AGAP1: variants seen among roughly 807,000 people sequenced by gnomAD.
AGAP1 encodes ArfGAP with GTPase domain, ankyrin repeat and PH domain 1.
AGAP1 carries 29 observed loss-of-function variants against 105.3 expected under a neutral mutation model. The ratio of observed to expected loss-of-function variants is 0.28; its 90% CI spans 0.21 to 0.38. The LOEUF (loss-of-function observed/expected upper bound fraction) is 0.38, where lower values mean the gene tolerates loss of function less well. Among genes scored for constraint, AGAP1 ranks in the 10% least tolerant of loss-of-function variants. AGAP1 has a pLI of 1.00. For missense variants in AGAP1, 998 were observed against 1,165.1 expected, an observed-to-expected ratio of 0.86 and a Z score of 2.09; for synonymous variants, 509 against 485.9, an observed-to-expected ratio of 1.05 and a Z score of -0.63.
At chr2:235,682,100 C>G (rs967435310) in intron 1 of AGAP1, among the ~76,000 whole-genome samples, 2 of 152,080 alleles carry the variant, frequency 1.3e-5, no homozygotes, top group Non-Finnish European at 2.9e-5. Flanking sequence ...ATCCACGCAT[C>G]TTGGCCTCCC....
intron 1 of AGAP1, among the ~76,000 whole-genome samples, chr2:235,640,981 A>G (rs1947170929): frequency 6.6e-6 from 1 of 152,216 alleles, no homozygotes; most frequent in African/African-American, 2.4e-5. Context: ...TAGTTGTCTG[A>G]TAACAATGTC....
chr2:235,507,432 G>A (rs1486536518), intron 1 of AGAP1: 1 of 152,340 alleles, frequency 6.6e-6, no homozygotes, highest in African/African-American at 2.4e-5. Flanking sequence ...GTTTTGCCTT[G>A]TAAGTGACAC....
At position 235,725,659 on chromosome 2, in the gene AGAP1, T is replaced by C. The variant is rs1575236515; in HGVS notation, c.310+8015T>C. On this transcript the variant is annotated intron_variant, in intron 3 of 17. Transcript: ENST00000304032. The surrounding 1 kb of genome is among the most constrained non-coding windows in gnomAD (Gnocchi z 5.7). ...TTTTAATGAGAATTATCTGTAAACG[T>C]TGAGATGATGAGCCTGCTGCTATGT... Among the ~76,000 whole-genome samples the C allele has an allele frequency of 1.3e-5, 2 of 152,156 alleles. No homozygotes were observed. The highest frequency in any genetic ancestry group is 6.5e-5 in the Admixed American group (1 of 15,278).
chr2:235,566,504 A>G lies in AGAP1; in HGVS notation c.163+71655A>G. ...TATTTCCAGATAAGCATTCATAAAC[A>G]GTGAAAAGCACAAATCATCAGTGCG... On this transcript the variant is annotated intron_variant, in intron 1 of 17. Transcript: ENST00000304032. This position sits in a 1 kb window ranked among gnomAD's most constrained non-coding sequence, Gnocchi z 5.2. 3.5e-6 allele frequency: 3 copies of G among 856,172 alleles called. No homozygotes were observed. The highest frequency in any genetic ancestry group is 4.2e-6 in the Non-Finnish European group (3 of 712,116). The allele number at this position is 856,172 out of a possible 1,614,324, so 53.0% of individuals were successfully genotyped here.
At position 235,747,191 on chromosome 2, in the gene AGAP1, G is replaced by A. The variant is rs772532267; in HGVS notation, c.538+2352G>A. On this transcript the variant is annotated intron_variant, in intron 5 of 17. Coordinates refer to ENST00000304032, the MANE Select transcript of AGAP1 (RefSeq NM_001037131.3). The surrounding 1 kb of genome is among the most constrained non-coding windows in gnomAD (Gnocchi z 5.0). ...CACTGTCCCTGCCCCTGGAGGCAGC[G>A]TATCCCTCTGAGTCTCCTGCCTGAG... 1.3e-5 allele frequency among the ~76,000 whole-genome samples: 2 copies of A among 152,088 alleles called. No individual in the cohort carries two copies. The highest frequency in any genetic ancestry group is 2.1e-4 in the South Asian group (1 of 4,828).
chr2:235,583,090 G>A (rs1418633978), intron 1 of AGAP1, among the ~76,000 whole-genome samples: 2 of 152,198 alleles, frequency 1.3e-5, no homozygotes, highest in Non-Finnish European at 2.9e-5. Flanking sequence ...AAAGGGAAAA[G>A]CCAGAAGCCA....
chr2:235,935,896 G>A (rs757532541), intron 12 of AGAP1, among the ~76,000 whole-genome samples: 10 of 152,282 alleles, frequency 6.6e-5, no homozygotes, highest in Admixed American at 1.3e-4. Flanking sequence ...CAAGATGCAC[G>A]TTGAGATGCG....
At position 235,873,649 on chromosome 2, in the gene AGAP1, G is replaced by A. The variant is rs146647242; in HGVS notation, c.1051-9696G>A. 3.4e-3 allele frequency among the ~76,000 whole-genome samples: 515 copies of A among 152,308 alleles called. 6 individuals carry two copies. Among genetic ancestry groups the A allele is most frequent in the African/African-American group, 0.012 (494 of 41,576 alleles). ...AGCAAGCCTGTGTAATAATTTGGAG[G>A]CCTAAGTTACCCGACTGTGGGAAGG... is the stretch of plus-strand genomic sequence containing the variant. On this transcript the variant is annotated intron_variant, in intron 9 of 17. Coordinates refer to ENST00000304032, the MANE Select transcript of AGAP1 (RefSeq NM_001037131.3).
rs1223265219 is a variant in AGAP1 at position 235,973,997 on chromosome 2, G to T, written c.1645+5374G>T. 6.6e-6 allele frequency among the ~76,000 whole-genome samples: 1 copy of T among 152,184 alleles called. No homozygotes were observed. On this transcript the variant is annotated intron_variant, in intron 13 of 17. Transcript: ENST00000304032. The surrounding 1 kb of genome is among the most constrained non-coding windows in gnomAD (Gnocchi z 4.7). The stretch of plus-strand genomic sequence containing the variant: ...CTTTCTGGGCATCTTCATATCTCGG[G>T]TCCAGTAGTGAGGTTGTCATTGCTA...
intron 16 of AGAP1, among the ~76,000 whole-genome samples, chr2:236,086,547 A>G (rs2058932395): frequency 6.6e-6 from 1 of 152,174 alleles, no homozygotes; most frequent in Admixed American, 6.5e-5. Context: ...TGCAGGTAAC[A>G]TAGTTTCTCT....
At chr2:235,680,245 G>A (rs894665342) in intron 1 of AGAP1, among the ~76,000 whole-genome samples, 10 of 152,196 alleles carry the variant, frequency 6.6e-5, no homozygotes, top group South Asian at 4.1e-4. Flanking sequence ...TTTGTCCGTG[G>A]AAATGAGCTA....
In AGAP1 at chr2:235,842,013, C is replaced by T. The variant is rs180948448; in HGVS notation, c.1050+34682C>T. ...TCTTGCCGTCACCACTCCATGCAGA[C>T]GCTGGGATACTAAGGTTTTCACCTG... On this transcript the variant is annotated intron_variant, in intron 9 of 17. Coordinates refer to ENST00000304032, the MANE Select transcript of AGAP1 (RefSeq NM_001037131.3). This position sits in a 1 kb window ranked among gnomAD's most constrained non-coding sequence, Gnocchi z 5.3. Among the ~76,000 whole-genome samples the T allele has an allele frequency of 3.3e-5, 5 of 152,270 alleles. No homozygotes were observed. Among genetic ancestry groups the T allele is most frequent in the South Asian group, 4.2e-4 (2 of 4,814 alleles).
intron 1 of AGAP1, among the ~76,000 whole-genome samples, chr2:235,561,683 A>G (rs183348476): frequency 6.6e-6 from 1 of 152,330 alleles, no homozygotes; most frequent in East Asian, 1.9e-4. Context: ...AGTATTTGGA[A>G]AAAGTATCTG....
At position 236,092,614 on chromosome 2, in the gene AGAP1, G is replaced by C. The variant is rs1482590329; in HGVS notation, c.2115-27578G>C. Among the ~76,000 whole-genome samples, 1 of 152,038 alleles carries C rather than the reference G, an allele frequency of 6.6e-6. No individual in the cohort carries two copies. Among genetic ancestry groups the C allele is most frequent in the African/African-American group, 2.4e-5 (1 of 41,380 alleles). Reference sequence around the variant, plus strand: ...TCACCGTGTTAGCCAGGATGGTCTCGATCTCCTGACCTCATGATCCACCCG... The same window carrying C: ...TCACCGTGTTAGCCAGGATGGTCTCCATCTCCTGACCTCATGATCCACCCG... On this transcript the variant is annotated intron_variant, in intron 16 of 17. Transcript: ENST00000304032. This position sits in a 1 kb window ranked among gnomAD's most constrained non-coding sequence, Gnocchi z 4.7.
intron 1 of AGAP1, among the ~76,000 whole-genome samples, chr2:235,502,425 C>T (rs530841510): frequency 1.5e-4 from 23 of 152,224 alleles, no homozygotes; most frequent in African/African-American, 5.3e-4. Flanking sequence ...ACTGCTTGCT[C>T]CAGTATTGTT....
rs1387112647 is a variant in AGAP1 at position 235,994,712 on chromosome 2, AAC to A, written c.1645+26095_1645+26096del. Among the ~76,000 whole-genome samples, 1 of 151,844 alleles carries A rather than the reference AAC, an allele frequency of 6.6e-6. No individual in the cohort carries two copies. Among genetic ancestry groups the A allele is most frequent in the African/African-American group, 2.4e-5 (1 of 41,340 alleles). On this transcript the variant is annotated intron_variant, in intron 13 of 17. Transcript: ENST00000304032. The surrounding 1 kb of genome is among the most constrained non-coding windows in gnomAD (Gnocchi z 4.4). Reference sequence around the variant, plus strand: ...GTTGTTTAGATTTCCACGTTACACAAACACACAAGCTTCTCAGGGGAAGAGCA... The same window carrying A: ...GTTGTTTAGATTTCCACGTTACACAAACACAAGCTTCTCAGGGGAAGAGCA...
chr2:235,711,772 T>G (rs2149522765), intron 2 of AGAP1, among the ~76,000 whole-genome samples: 1 of 152,254 alleles, frequency 6.6e-6, no homozygotes, highest in Middle Eastern at 3.4e-3. Flanking sequence ...CTAGGCAGCC[T>G]CCAAGTGCCT....
chr2:235,794,513 C>T (rs919823951), intron 6 of AGAP1, among the ~76,000 whole-genome samples: 26 of 152,088 alleles, frequency 1.7e-4, no homozygotes, highest in Non-Finnish European at 3.1e-4. Context: ...ACTCTGTTAC[C>T]CAGGCTGGAG....
At chr2:235,939,429 C>G (rs1175918578) in intron 12 of AGAP1, among the ~76,000 whole-genome samples, 2 of 152,148 alleles carry the variant, frequency 1.3e-5, no homozygotes, top group Non-Finnish European at 2.9e-5. Flanking sequence ...GACACCCTCT[C>G]TCCTGTCCCA....
Sources: gnomAD v4.1 joint callset for allele counts (sites outside exome capture counted in the v4.1 genomes callset) on GRCh38, gnomAD v4.1.1 for gene constraint, Gnocchi (gnomAD v3.1) non-coding constraint, MANE v1.5 for transcripts, NCBI Gene and HGNC (gene_info 2026-07-23, HGNC 2026-07-21) for gene names.